Variants in HDAC9 observed in about 807,000 individuals in gnomAD.
HDAC9 encodes MEF-2 interacting transcription repressor (MITR) protein.
In HDAC9, 41 loss-of-function variants were observed where a neutral mutation model predicts 139.4. The observed-to-expected ratio is 0.29, with a 90% CI of 0.23 to 0.38. HDAC9 has a LOEUF of 0.38. Among genes scored for constraint, HDAC9 ranks in the 10% least tolerant of loss-of-function variants. The pLI is 1.00. For synonymous variants in HDAC9, 517 were observed against 476.2 expected (o/e 1.09, Z -1.12); for missense variants, 1,147 against 1,297.0 (o/e 0.88, Z 1.78).
At chr7:18,737,159 A>G (rs1786998251) in intron 13 of HDAC9, among the ~76,000 whole-genome samples, 1 of 152,026 alleles carries the variant, frequency 6.6e-6, no homozygotes, top group African/African-American at 2.4e-5. Flanking sequence ...CAGTCTATCA[A>G]TTTTGTTGAT....
At chr7:18,752,564 C>G (rs1280156986) in intron 14 of HDAC9, among the ~76,000 whole-genome samples, 1 of 152,096 alleles carries the variant, frequency 6.6e-6, no homozygotes, top group Non-Finnish European at 1.5e-5. Flanking sequence ...GAGGTATAAT[C>G]TCTGCTAACT....
At chr7:18,682,195 A>T (rs1781936166) in intron 12 of HDAC9, among the ~76,000 whole-genome samples, 1 of 152,060 alleles carries the variant, frequency 6.6e-6, no homozygotes, top group African/African-American at 2.4e-5. Flanking sequence ...CAAACCTATG[A>T]TCTGCATAGA....
intron 12 of HDAC9, among the ~76,000 whole-genome samples, chr7:18,697,959 C>A (rs560641365): frequency 9.2e-5 from 14 of 152,014 alleles, no homozygotes; most frequent in Non-Finnish European, 2.9e-5. Flanking sequence ...GTTCAGTGAA[C>A]TCTAACTACT....
chr7:18,339,526 C>T (rs11761587), intron 1 of HDAC9, among the ~76,000 whole-genome samples: 13,069 of 151,244 alleles, frequency 0.086, 713 homozygotes, highest in East Asian at 0.18. Context: ...GTAATAGATA[C>T]GATAATTTGC....
intron 12 of HDAC9, among the ~76,000 whole-genome samples, chr7:18,672,197 C>T (rs1795712173): frequency 6.6e-6 from 1 of 151,994 alleles, no homozygotes; most frequent in Admixed American, 6.6e-5. Context: ...CCAGTTCCTC[C>T]ACATCTTCTC....
chr7:18,113,124 A>T (rs2697903), intron 1 of HDAC9, among the ~76,000 whole-genome samples: 86,317 of 152,102 alleles, frequency 0.57, 26,817 homozygotes, highest in Non-Finnish European at 0.69. Flanking sequence ...TAAACATAAG[A>T]TGTGATAAAT....
intron 2 of HDAC9, among the ~76,000 whole-genome samples, chr7:18,246,108 A>G (rs1358644039): frequency 6.7e-6 from 1 of 148,506 alleles, no homozygotes; most frequent in Non-Finnish European, 1.5e-5. Flanking sequence ...ATTTATTGAA[A>G]AAGTAAGTTA....
At chr7:18,577,711 A>G (rs1483519961) in intron 2 of HDAC9, among the ~76,000 whole-genome samples, 3 of 152,158 alleles carry the variant, frequency 2.0e-5, no homozygotes, top group Non-Finnish European at 4.4e-5. Flanking sequence ...GTTGATAAAG[A>G]AGGAAGACAT....
intron 12 of HDAC9, among the ~76,000 whole-genome samples, chr7:18,717,993 C>T (rs1209371394): frequency 6.6e-6 from 1 of 152,034 alleles, no homozygotes; most frequent in Non-Finnish European, 1.5e-5. Context: ...ATGCTATATG[C>T]TTTACTCATT....
At chr7:18,293,782 C>T (rs140103781) in intron 1 of HDAC9, among the ~76,000 whole-genome samples, 107 of 152,136 alleles carry the variant, frequency 7.0e-4, no homozygotes, top group East Asian at 3.7e-3. Context: ...TGGTCACCCA[C>T]GGGATTACTG....
intron 21 of HDAC9, among the ~76,000 whole-genome samples, chr7:18,852,968 G>T (rs1797412641): frequency 6.6e-6 from 1 of 151,958 alleles, no homozygotes; most frequent in African/African-American, 2.4e-5. Flanking sequence ...ACAAATCATA[G>T]TAGGGGTGCG....
intron 2 of HDAC9, among the ~76,000 whole-genome samples, chr7:18,213,030 C>G (rs1468337274): frequency 6.6e-6 from 1 of 152,160 alleles, no homozygotes; most frequent in African/African-American, 2.4e-5. Context: ...ATTTGGATAA[C>G]TACAGCTACA....
At chr7:18,126,146 G>C (rs1004508579) in intron 1 of HDAC9, among the ~76,000 whole-genome samples, 6 of 152,028 alleles carry the variant, frequency 3.9e-5, no homozygotes, top group African/African-American at 1.4e-4. Context: ...GTATTGATTC[G>C]CTTGTGTCCT....
At chr7:18,385,191 G>T (rs1263158939) in intron 1 of HDAC9, among the ~76,000 whole-genome samples, 1 of 152,100 alleles carries the variant, frequency 6.6e-6, no homozygotes, top group Non-Finnish European at 1.5e-5. Context: ...ACTGCAAAAA[G>T]AGGCAAAGTG....
chr7:18,543,981 T>TA (rs755136115), intron 2 of HDAC9, among the ~76,000 whole-genome samples: 1 of 152,074 alleles, frequency 6.6e-6, no homozygotes, highest in Non-Finnish European at 1.5e-5. Flanking sequence ...TGCTGTATGA[T>TA]AAAGTCCTGA....
At chr7:18,445,376 AT>A (rs970710328) in intron 1 of HDAC9, among the ~76,000 whole-genome samples, 12 of 151,980 alleles carry the variant, frequency 7.9e-5, no homozygotes, top group South Asian at 2.1e-4. Flanking sequence ...ATATATTTAT[AT>A]TTTTTTATGA....
chr7:18,264,976 CTATT>C (rs941934803), intron 2 of HDAC9, among the ~76,000 whole-genome samples: 5 of 152,002 alleles, frequency 3.3e-5, no homozygotes, highest in Non-Finnish European at 7.4e-5. Flanking sequence ...TAAGGGAAAA[CTATT>C]TAGTTACTCT....
At chr7:18,248,367 G>C (rs1204990322) in intron 2 of HDAC9, among the ~76,000 whole-genome samples, 3 of 152,150 alleles carry the variant, frequency 2.0e-5, no homozygotes, top group Admixed American at 2.0e-4. Flanking sequence ...CACATAAATA[G>C]ATCCTGTTTT....
chr7:18,146,601 T>C (rs373933607), intron 1 of HDAC9, among the ~76,000 whole-genome samples: 22 of 152,206 alleles, frequency 1.4e-4, no homozygotes, highest in African/African-American at 5.3e-4. Context: ...AAGCTTTAGT[T>C]CAGCAACAAC....
Sources: allele counts gnomAD v4.1 joint callset (sites outside exome capture counted in the v4.1 genomes callset), GRCh38; gene constraint gnomAD v4.1.1; transcripts MANE v1.5; gene names NCBI Gene and HGNC (gene_info 2026-07-23, HGNC 2026-07-21).